Variants in FRK observed in about 807,000 individuals in gnomAD.
FRK encodes tyrosine-protein kinase FRK.
FRK carries 51 observed loss-of-function variants against 56.4 expected under a neutral mutation model. That is an observed-to-expected ratio of 0.90 (90% CI 0.72 to 1.14). FRK has a LOEUF of 1.14. FRK is among the 50% of genes most tolerant of loss of function. The pLI, the probability that FRK is intolerant of heterozygous loss-of-function variation, is 0.00. For missense variants in FRK, 570 were observed against 601.4 expected, an observed-to-expected ratio of 0.95 and a Z score of 0.55; for synonymous variants, 245 against 217.9, an observed-to-expected ratio of 1.12 and a Z score of -1.10.
chr6:116,065,654 A>G (rs1777748145), upstream of FRK, among the ~76,000 whole-genome samples: 1 of 152,178 alleles, frequency 6.6e-6, no homozygotes, highest in African/African-American at 2.4e-5. Context: ...ACTTCATTAG[A>G]CAGAATTGAC....
chr6:116,010,867 T>C (rs1336199159), intron 1 of FRK, among the ~76,000 whole-genome samples: 1 of 152,222 alleles, frequency 6.6e-6, no homozygotes, highest in African/African-American at 2.4e-5. Flanking sequence ...ATGTTGGATT[T>C]GAGGTCATGC....
chr6:116,072,564 C>CACACAA, the FRK span, among the ~76,000 whole-genome samples: 2,249 of 149,610 alleles, frequency 0.015, 29 homozygotes, highest in Middle Eastern at 0.038. Flanking sequence ...CACACACACA[C>CACACAA]AAGATACCTT....
the FRK span, among the ~76,000 whole-genome samples, chr6:116,091,639 T>C: frequency 2.0e-5 from 3 of 152,122 alleles, no homozygotes; most frequent in Non-Finnish European, 4.4e-5. Flanking sequence ...TGCTATTCTG[T>C]CCTATTTTTC....
At chr6:116,097,162 G>A in the FRK span, among the ~76,000 whole-genome samples, 1 of 152,114 alleles carries the variant, frequency 6.6e-6, no homozygotes, top group Non-Finnish European at 1.5e-5. Context: ...TATTCCTCAT[G>A]CAGGACTACT....
intron 2 of FRK, among the ~76,000 whole-genome samples, chr6:116,001,973 G>A (rs1170802284): frequency 1.3e-5 from 2 of 151,992 alleles, no homozygotes; most frequent in African/African-American, 4.8e-5. Flanking sequence ...TCTGTGTATG[G>A]GGGTATAAGT....
At chr6:116,059,104 C>G (rs1777513126) in intron 1 of FRK, among the ~76,000 whole-genome samples, 1 of 152,040 alleles carries the variant, frequency 6.6e-6, no homozygotes, top group Non-Finnish European at 1.5e-5. Context: ...AGAATAATCT[C>G]CTTTACCCTC....
chr6:116,015,318 G>A (rs773477904), intron 1 of FRK, among the ~76,000 whole-genome samples: 2 of 152,162 alleles, frequency 1.3e-5, no homozygotes, highest in Non-Finnish European at 2.9e-5. Flanking sequence ...CATGTAAGAT[G>A]TGCCTTGCTT....
intron 2 of FRK, among the ~76,000 whole-genome samples, chr6:115,991,724 T>TA (rs1484952819): frequency 6.6e-6 from 1 of 151,794 alleles, no homozygotes; most frequent in Non-Finnish European, 1.5e-5. Context: ...GATATTAGCC[T>TA]ACAGTATTAT....
chr6:115,943,260 T>G, intron 6 of FRK, 75 bp from the exon 7 acceptor site: 1 of 1,039,838 alleles, frequency 9.6e-7, no homozygotes. Context: ...ATCTATAATC[T>G]GCTTCACTTC....
the FRK span, among the ~76,000 whole-genome samples, chr6:116,071,013 C>A: frequency 1.7e-3 from 264 of 152,180 alleles, 3 homozygotes; most frequent in African/African-American, 5.7e-3. Flanking sequence ...ATCTGTTAAA[C>A]TTATAATGCA....
chr6:116,083,826 A>ATT, the FRK span, among the ~76,000 whole-genome samples: 216 of 144,468 alleles, frequency 1.5e-3, 1 homozygote, highest in East Asian at 0.013. Context: ...TGCCCAGCTA[A>ATT]TTTTTTTTTT....
At chr6:116,034,314 C>A (rs930917301) in intron 1 of FRK, among the ~76,000 whole-genome samples, 5 of 152,104 alleles carry the variant, frequency 3.3e-5, no homozygotes, top group Non-Finnish European at 7.4e-5. Flanking sequence ...ATTACCCCGA[C>A]TTGATCATTA....
At chr6:115,971,089 T>G (rs1326843532) in intron 2 of FRK, among the ~76,000 whole-genome samples, 1 of 152,182 alleles carries the variant, frequency 6.6e-6, no homozygotes, top group Non-Finnish European at 1.5e-5. Context: ...TTTTATTATG[T>G]GTATCACACT....
At chr6:116,066,334 G>A in the FRK span, among the ~76,000 whole-genome samples, 9 of 152,114 alleles carry the variant, frequency 5.9e-5, no homozygotes, top group Non-Finnish European at 1.2e-4. Context: ...TTTGAGACTC[G>A]GACTGGCTCT....
At chr6:116,037,765 A>C (rs1488598660) in intron 1 of FRK, among the ~76,000 whole-genome samples, 1 of 152,136 alleles carries the variant, frequency 6.6e-6, no homozygotes, top group African/African-American at 2.4e-5. Context: ...TGTTTATTAA[A>C]AATTCACCTG....
chr6:116,064,292 A>G (rs1178814722), upstream of FRK, among the ~76,000 whole-genome samples: 2 of 152,178 alleles, frequency 1.3e-5, no homozygotes, highest in Non-Finnish European at 2.9e-5. Context: ...TTCTGGCAGA[A>G]ACTTCTACTT....
chr6:116,064,300 C>T (rs548712085), upstream of FRK, among the ~76,000 whole-genome samples: 107 of 152,262 alleles, frequency 7.0e-4, no homozygotes, highest in African/African-American at 2.4e-3. Flanking sequence ...GAAACTTCTA[C>T]TTGGTTTGTG....
the FRK span, among the ~76,000 whole-genome samples, chr6:116,071,533 C>T: frequency 2.0e-5 from 3 of 152,100 alleles, no homozygotes; most frequent in Non-Finnish European, 2.9e-5. Context: ...TTGCCCAGTT[C>T]GTATCAGATG....
In FRK at chr6:115,986,186, T is replaced by C. The variant is rs117844178; in HGVS notation, c.467-17447A>G. ...TGGCCAAATGACTTGCTTTGGTGAATTGAGTAGGGGCAACCATGACAAACA... is the reference window on the plus strand; with the variant it reads ...TGGCCAAATGACTTGCTTTGGTGAACTGAGTAGGGGCAACCATGACAAACA... On this transcript the variant is annotated intron_variant, in intron 2 of 7. Transcript: ENST00000606080. Among the ~76,000 whole-genome samples the C allele has an allele frequency of 8.6e-3, 1,309 of 152,128 alleles. 6 individuals carry two copies. Among genetic ancestry groups the C allele is most frequent in the Non-Finnish European group, 0.013 (906 of 67,986 alleles).
Sources: allele counts gnomAD v4.1 joint callset (sites outside exome capture counted in the v4.1 genomes callset), GRCh38; gene constraint gnomAD v4.1.1; transcripts MANE v1.5; gene names NCBI Gene and HGNC (gene_info 2026-07-23, HGNC 2026-07-21).